PKIG: variants seen among roughly 807,000 people sequenced by gnomAD.
PKIG encodes the protein protein kinase (cAMP-dependent, catalytic) inhibitor gamma.
In PKIG, 1 loss-of-function variant was observed where a neutral mutation model predicts 6.8. The observed-to-expected ratio is 0.15, with a 90% CI of 0.05 to 0.69. PKIG has a LOEUF of 0.69. PKIG is among the 30% of genes least tolerant of loss of function. PKIG has a pLI of 0.82. For missense variants in PKIG, 77 were observed against 104.0 expected (o/e 0.74, Z 1.13); for synonymous variants, 39 against 43.0 (o/e 0.91, Z 0.36).
chr20:44,587,476 C>G (rs2064999627), intron 1 of PKIG, among the ~76,000 whole-genome samples: 1 of 152,128 alleles, frequency 6.6e-6, no homozygotes, highest in South Asian at 2.1e-4. Context: ...ATGTATGGGC[C>G]CCACCTGAGA....
At chr20:44,541,477 C>T (rs886135256) in intron 1 of PKIG, among the ~76,000 whole-genome samples, 6 of 151,892 alleles carry the variant, frequency 4.0e-5, no homozygotes, top group East Asian at 1.9e-4. Context: ...TTTGTGGATA[C>T]GGGATCTCTG....
At chr20:44,618,046 A>G (rs1406952828) in intron 3 of PKIG, among the ~76,000 whole-genome samples, 2 of 152,202 alleles carry the variant, frequency 1.3e-5, no homozygotes, top group Admixed American at 1.3e-4. Flanking sequence ...GCACCCATCC[A>G]TAATGGCCCT....
chr20:44,598,178 G>A (rs2123415660), intron 2 of PKIG, among the ~76,000 whole-genome samples: 1 of 152,232 alleles, frequency 6.6e-6, no homozygotes, highest in African/African-American at 2.4e-5. Flanking sequence ...GGGCCTGTTT[G>A]GGCTTCCTCA....
rs1174106875 is a variant in PKIG, at chr20:44,614,327, C to T, written c.-23-207C>T. On this transcript the variant is annotated intron_variant, in intron 2 of 3. Coordinates refer to ENST00000372886, the MANE Select transcript of PKIG (RefSeq NM_001281445.2). This position sits in a 1 kb window ranked among gnomAD's most constrained non-coding sequence, Gnocchi z 4.6. ...TTAAAGAAAAGTCTGAGCCCATGTT[C>T]TTTAAAATGTTGATGGTGGTTGTCT... 6.1e-6 allele frequency: 3 copies of T among 492,258 alleles called. No homozygotes were observed. The highest frequency in any genetic ancestry group is 3.9e-5 in the African/African-American group (2 of 51,572). The allele number at this position is 492,258 out of a possible 1,614,324, so 30.5% of individuals were successfully genotyped here. A position where few individuals can be genotyped will look rare whatever the true frequency, so the allele number is the denominator to read the frequency against.
intron 1 of PKIG, among the ~76,000 whole-genome samples, chr20:44,584,483 G>C (rs973147663): frequency 5.1e-5 from 7 of 137,444 alleles, no homozygotes; most frequent in Admixed American, 2.2e-4. Context: ...GCCACAGCCA[G>C]AGTGCAAAAA....
At chr20:44,618,175 TC>T (rs1365368527) in intron 3 of PKIG, 109 bp from the exon 4 acceptor site, 24 of 757,346 alleles carry the variant, frequency 3.2e-5, no homozygotes, top group African/African-American at 2.6e-4. Flanking sequence ...CTCGTCTTGC[TC>T]CCCAGGGCAT....
chr20:44,567,491 C>T (rs1475539071), intron 1 of PKIG, among the ~76,000 whole-genome samples: 3 of 152,240 alleles, frequency 2.0e-5, no homozygotes, highest in African/African-American at 7.2e-5. Context: ...CTTCAGCTAT[C>T]TACTTTGCTC....
chr20:44,571,130 A>T (rs1249406767), intron 1 of PKIG, among the ~76,000 whole-genome samples: 1 of 152,088 alleles, frequency 6.6e-6, no homozygotes, highest in Admixed American at 6.6e-5. Flanking sequence ...GCTACTTGGG[A>T]GGCTGAGGCA....
chr20:44,605,625 C>G (rs11699019), intron 2 of PKIG, among the ~76,000 whole-genome samples: 12,866 of 151,360 alleles, frequency 0.085, 655 homozygotes, highest in African/African-American at 0.14. Flanking sequence ...CATAAAAGTA[C>G]TAGAGAGGCC....
At chr20:44,538,653 A>AT (rs1212244531) in intron 1 of PKIG, among the ~76,000 whole-genome samples, 2 of 152,080 alleles carry the variant, frequency 1.3e-5, no homozygotes, top group South Asian at 2.1e-4. Flanking sequence ...AGAGAGAAGG[A>AT]TTTTTTCCTC....
rs765713497 is a variant in PKIG at position 44,618,305 on chromosome 20, G to A, written c.172G>A (p.Ala58Thr). The change falls in exon 4 of 4, where the codon GCC becomes ACC. Residue 58 changes from alanine (A) to threonine (T), a missense_variant. Coordinates refer to ENST00000372886, the MANE Select transcript of PKIG (RefSeq NM_001281445.2). ...TCCAGAAGGACAGGTGGAGGGAAGC[G>A]CCCCAGACAAGGAAGCTGGCAACCA... ...EGAEGQVEGS[A>T]PDKEAGNQPQ... The A allele has an allele frequency of 1.2e-5, 20 of 1,612,414 alleles. No homozygotes were observed. The highest frequency in any genetic ancestry group is 2.7e-5 in the African/African-American group (2 of 74,878).
intron 1 of PKIG, among the ~76,000 whole-genome samples, chr20:44,573,243 T>G (rs2064868579): frequency 2.0e-5 from 3 of 152,262 alleles, no homozygotes; most frequent in Admixed American, 2.0e-4. Flanking sequence ...CCATAGTTTA[T>G]TAGTATATTT....
At chr20:44,616,851 AAGC>A in intron 3 of PKIG, among the ~76,000 whole-genome samples, 1 of 152,290 alleles carries the variant, frequency 6.6e-6, no homozygotes, top group African/African-American at 2.4e-5. Flanking sequence ...CTGGGAATAA[AAGC>A]AGGCTTTCCA....
chr20:44,584,717 C>A (rs188014885), intron 1 of PKIG, among the ~76,000 whole-genome samples: 3 of 150,186 alleles, frequency 2.0e-5, no homozygotes, highest in Admixed American at 6.6e-5. Flanking sequence ...AGGCCCTTGG[C>A]ACTTCTTTTT....
intron 1 of PKIG, among the ~76,000 whole-genome samples, chr20:44,537,258 C>T (rs1481473900): frequency 6.6e-6 from 1 of 152,206 alleles, no homozygotes; most frequent in East Asian, 1.9e-4. Context: ...GCACGCGCCA[C>T]CACGCCCGGC....
At chr20:44,599,287 C>T (rs902973187) in intron 2 of PKIG, among the ~76,000 whole-genome samples, 1 of 152,218 alleles carries the variant, frequency 6.6e-6, no homozygotes, top group Non-Finnish European at 1.5e-5. Context: ...AGCACAGGCT[C>T]CATCTGGCTC....
intron 1 of PKIG, among the ~76,000 whole-genome samples, chr20:44,542,691 C>T (rs2064573070): frequency 1.3e-5 from 2 of 152,076 alleles, no homozygotes; most frequent in African/African-American, 4.8e-5. Flanking sequence ...CTCCTGGGTT[C>T]AAGCAATTCT....
chr20:44,612,427 A>T (rs1254061278), intron 2 of PKIG, among the ~76,000 whole-genome samples: 13 of 152,132 alleles, frequency 8.5e-5, no homozygotes, highest in Admixed American at 8.5e-4. Context: ...GAACTCCTAA[A>T]GTCAGGCCAG....
At chr20:44,553,952 G>A (rs1309085881) in intron 1 of PKIG, among the ~76,000 whole-genome samples, 2 of 152,130 alleles carry the variant, frequency 1.3e-5, no homozygotes, top group Non-Finnish European at 2.9e-5. Context: ...AGAAGAGCTT[G>A]CCCTTGGAGA....
Sources: gnomAD v4.1 joint callset for allele counts (sites outside exome capture counted in the v4.1 genomes callset) on GRCh38, gnomAD v4.1.1 for gene constraint, Gnocchi (gnomAD v3.1) non-coding constraint, MANE v1.5 for transcripts, NCBI Gene and HGNC (gene_info 2026-07-23, HGNC 2026-07-21) for gene names.